Variants in CREB5 observed in about 807,000 individuals in gnomAD.
The protein encoded by CREB5 is cAMP responsive element binding protein 5, also known as cyclic AMP-responsive element-binding protein 5.
In CREB5, 19 loss-of-function variants were observed where a neutral mutation model predicts 57.1. The observed-to-expected ratio is 0.33, with a 90% CI of 0.23 to 0.49. The LOEUF (loss-of-function observed/expected upper bound fraction) is 0.49. Ranked by LOEUF, CREB5 falls within the 20% of genes least tolerant of loss-of-function variation. CREB5 has a pLI of 0.99. For missense variants in CREB5, 579 were observed against 671.6 expected (o/e 0.86, Z 1.52); for synonymous variants, 238 against 238.3 (o/e 1.00, Z 0.01).
chr7:28,764,370 A>G (rs903077206), intron 7 of CREB5, among the ~76,000 whole-genome samples: 1 of 151,568 alleles, frequency 6.6e-6, no homozygotes, highest in African/African-American at 2.4e-5. Flanking sequence ...AAAAAAAAAA[A>G]CTGACCCAAA....
At chr7:28,372,057 T>G (rs1185291687) in intron 1 of CREB5, among the ~76,000 whole-genome samples, 1 of 151,890 alleles carries the variant, frequency 6.6e-6, no homozygotes, top group Non-Finnish European at 1.5e-5. Flanking sequence ...AAGTCGAAAA[T>G]AAAGATGCTG....
intron 5 of CREB5, among the ~76,000 whole-genome samples, chr7:28,602,202 C>T (rs1796943961): frequency 1.3e-5 from 2 of 152,168 alleles, no homozygotes; most frequent in Non-Finnish European, 2.9e-5. Context: ...TCTCGGCTCA[C>T]TGCAACCTCT....
chr7:28,775,885 T>G (rs1001385479), intron 7 of CREB5, among the ~76,000 whole-genome samples: 1 of 152,156 alleles, frequency 6.6e-6, no homozygotes, highest in Non-Finnish European at 1.5e-5. Flanking sequence ...GCTTTATATA[T>G]GTTTGTTCTT....
chr7:28,741,935 G>A (rs1435205343), intron 7 of CREB5, among the ~76,000 whole-genome samples: 1 of 151,680 alleles, frequency 6.6e-6, no homozygotes, highest in Non-Finnish European at 1.5e-5. Context: ...GCGTGGTGGT[G>A]TGCGCCTGTA....
intron 5 of CREB5, among the ~76,000 whole-genome samples, chr7:28,583,724 G>T (rs538611843): frequency 6.6e-6 from 1 of 152,070 alleles, no homozygotes; most frequent in African/African-American, 2.4e-5. Flanking sequence ...TGTTGCCCAG[G>T]CTGGAGTGCA....
At position 28,825,483 on chromosome 7, in the gene CREB5, T is replaced by C. The variant is rs938825850; in HGVS notation, c.*6204T>C. On this transcript the variant is annotated 3_prime_UTR_variant, in exon 11 of 11. Transcript: ENST00000357727. Reference sequence around the variant, plus strand: ...TATAAATATTGTCCAAAAATATAATTAAAAGAAAAAAGTTTAGCACTGTGT... The same window carrying C: ...TATAAATATTGTCCAAAAATATAATCAAAAGAAAAAAGTTTAGCACTGTGT... 4.6e-5 allele frequency: 7 copies of C among 152,548 alleles called. No homozygotes were observed. The highest frequency in any genetic ancestry group is 4.6e-4 in the Admixed American group (7 of 15,282). The allele number at this position is 152,548 out of a possible 1,614,324, so 9.4% of individuals were successfully genotyped here. A position where few individuals can be genotyped will look rare whatever the true frequency, so the allele number is the denominator to read the frequency against.
At chr7:28,817,351 C>T (rs1473141403) in intron 9 of CREB5, among the ~76,000 whole-genome samples, 3 of 152,150 alleles carry the variant, frequency 2.0e-5, no homozygotes, top group Non-Finnish European at 4.4e-5. Context: ...TCAACAGTAT[C>T]CCATGAACAG....
In CREB5 at chr7:28,820,151, G is replaced by A. The variant is rs1809678611; in HGVS notation, c.*872G>A. On this transcript the variant is annotated 3_prime_UTR_variant, in exon 11 of 11. Transcript: ENST00000357727. ...TGATTTAATGTTTTTAATAATCACA[G>A]CAAATGAAAGGTGGTTTAGTTATAA... is the stretch of plus-strand genomic sequence containing the variant. 6.6e-6 allele frequency: 1 copy of A among 152,410 alleles called. No homozygotes were observed. The highest frequency in any genetic ancestry group is 2.1e-4 in the South Asian group (1 of 4,832). 9.4% of individuals were successfully genotyped at this position (152,410 alleles called of 1,614,324 possible).
intron 1 of CREB5, among the ~76,000 whole-genome samples, chr7:28,473,240 T>G (rs533252678): frequency 5.9e-5 from 9 of 152,232 alleles, no homozygotes; most frequent in Admixed American, 5.2e-4. Flanking sequence ...GAAGATCGTT[T>G]AAGCCTAGGG....
intron 5 of CREB5, among the ~76,000 whole-genome samples, chr7:28,584,405 T>C (rs1211361523): frequency 6.6e-6 from 1 of 152,012 alleles, no homozygotes; most frequent in Non-Finnish European, 1.5e-5. Context: ...GAGTCCTAAA[T>C]CCAATGAGTG....
intron 1 of CREB5, among the ~76,000 whole-genome samples, chr7:28,481,973 G>T (rs1910553): frequency 0.39 from 59,035 of 151,998 alleles, 11,797 homozygotes; most frequent in African/African-American, 0.49. Flanking sequence ...ATTTTTCTGT[G>T]GAAAGTTACA....
At chr7:28,410,266 G>A (rs1455350363), upstream of CREB5, 3 of 455,674 alleles carry the variant, frequency 6.6e-6, no homozygotes, top group Non-Finnish European at 1.3e-5. Context: ...TCCTCCGGCC[G>A]CCTCCTGCCT....
intron 1 of CREB5, among the ~76,000 whole-genome samples, chr7:28,350,448 C>A (rs533364782): frequency 5.3e-5 from 8 of 151,916 alleles, no homozygotes; most frequent in South Asian, 2.1e-4. Context: ...TTTTTGCCTC[C>A]TTAAAACTTC....
Position 28,809,402 on chromosome 7 carries a change from C to G in CREB5, c.1242C>G (p.Asn414Lys). ...AAGCAGAAGAACTCACCCAGACAAACATGCAGCTTCAGGTGCAGCCCACGG... is the reference window on the plus strand; with the variant it reads ...AAGCAGAAGAACTCACCCAGACAAAGATGCAGCTTCAGGTGCAGCCCACGG... ...EKKAEELTQT[N>K]MQLQNEVSML... The change falls in exon 9 of 11, where the codon AAC (asparagine) becomes AAG (lysine). Residue 414 changes from asparagine to lysine, a missense_variant. By Grantham distance (94) the Asn-to-Lys change is moderately conservative (BLOSUM62 0). Transcript: ENST00000357727. 6.2e-7 allele frequency: 1 copy of G among 1,612,198 alleles called. No individual in the cohort carries two copies. The highest frequency in any genetic ancestry group is 8.5e-7 in the Non-Finnish European group (1 of 1,179,164).
At chr7:28,570,266 T>C (rs1198851101) in intron 4 of CREB5, 99 bp from the exon 5 acceptor site, 3 of 1,305,462 alleles carry the variant, frequency 2.3e-6, no homozygotes, top group Non-Finnish European at 3.2e-6. Context: ...CTCTATGTAG[T>C]TGACATGACT....
chr7:28,734,246 C>T (rs1159433402), intron 7 of CREB5, among the ~76,000 whole-genome samples: 4 of 126,902 alleles, frequency 3.2e-5, no homozygotes, highest in African/African-American at 1.2e-4. Context: ...ACAAAAAAAA[C>T]AGGTTAATGG....
At chr7:28,664,811 C>T (rs1419564864) in intron 5 of CREB5, among the ~76,000 whole-genome samples, 1 of 152,052 alleles carries the variant, frequency 6.6e-6, no homozygotes, top group Admixed American at 6.6e-5. Context: ...GAAATTAATA[C>T]CCCAGAAGAG....
rs35658848 is a variant in CREB5 at position 28,802,078 on chromosome 7, GAAAAAAAAAAA to G, written c.703-2104_703-2094del. Among the ~76,000 whole-genome samples, 167 of 26,650 alleles carry G rather than the reference GAAAAAAAAAAA, an allele frequency of 6.3e-3. 1 individual carries two copies. Among genetic ancestry groups the G allele is most frequent in the Non-Finnish European group, 9.4e-3 (144 of 15,322 alleles). The allele number at this position is 26,650 out of a possible 152,430, so 17.5% of individuals were successfully genotyped here. A position where few individuals can be genotyped will look rare whatever the true frequency, so the allele number is the denominator to read the frequency against. ...CTGGCGACACAGCGAGACTCCATCTGAAAAAAAAAAAAAAAAAAAAAAAAAAAGGAGGAAAC... is the reference window on the plus strand; with the variant it reads ...CTGGCGACACAGCGAGACTCCATCTGAAAAAAAAAAAAAAAAGGAGGAAAC... On this transcript the variant is annotated intron_variant, in intron 7 of 10. Transcript: ENST00000357727.
intron 7 of CREB5, among the ~76,000 whole-genome samples, chr7:28,731,926 G>C (rs1427586544): frequency 6.6e-6 from 1 of 152,174 alleles, no homozygotes; most frequent in Non-Finnish European, 1.5e-5. Flanking sequence ...ACATGCTGAG[G>C]ATTTCATCCC....
Sources: allele counts gnomAD v4.1 joint callset (sites outside exome capture counted in the v4.1 genomes callset), GRCh38; gene constraint gnomAD v4.1.1; transcripts MANE v1.5; gene names NCBI Gene and HGNC (gene_info 2026-07-23, HGNC 2026-07-21).